Variants in ESRRB observed in about 807,000 individuals in gnomAD.
The protein encoded by ESRRB is estrogen related receptor beta.
A neutral mutation model predicts 46.0 loss-of-function variants in ESRRB; 16 were observed. That is an observed-to-expected ratio of 0.35 (90% CI 0.24 to 0.53). The LOEUF is 0.53. Ranked by LOEUF, ESRRB falls within the 20% of genes least tolerant of loss-of-function variation. The pLI, the probability that ESRRB is intolerant of heterozygous loss-of-function variation, is 0.93. For missense variants in ESRRB, 488 were observed against 607.4 expected (o/e 0.80, Z 2.07); for synonymous variants, 246 against 259.6 (o/e 0.95, Z 0.50).
chr14:76,380,704 C>G (rs946045619), intron 1 of ESRRB, among the ~76,000 whole-genome samples: 15 of 152,190 alleles, frequency 9.9e-5, no homozygotes, highest in Non-Finnish European at 1.8e-4. Flanking sequence ...CTGGGAGCTT[C>G]TGTCGTAGAG....
intron 1 of ESRRB, among the ~76,000 whole-genome samples, chr14:76,379,621 A>G (rs369871635): frequency 6.6e-6 from 1 of 152,186 alleles, no homozygotes; most frequent in Non-Finnish European, 1.5e-5. Context: ...GTGCGCTGCC[A>G]TGGAAGAGGA....
Position 76,499,536 on chromosome 14 carries a change from C to G in ESRRB, c.*1078C>G. On this transcript the variant is annotated 3_prime_UTR_variant, in exon 7 of 7. Coordinates refer to ENST00000644823, the MANE Select transcript of ESRRB (RefSeq NM_001379180.1). Reference sequence around the variant, plus strand: ...GGGTGGCCTGCCTCATCCTTCCTGGCTTCCCTTCCCTGCACTCAGCATCAT... The same window carrying G: ...GGGTGGCCTGCCTCATCCTTCCTGGGTTCCCTTCCCTGCACTCAGCATCAT... The G allele has an allele frequency of 2.3e-6, 1 of 431,686 alleles. No homozygotes were observed. The highest frequency in any genetic ancestry group is 2.2e-5 in the South Asian group (1 of 46,302). The allele number at this position is 431,686 out of a possible 1,614,324, so 26.7% of individuals were successfully genotyped here.
intron 1 of ESRRB, among the ~76,000 whole-genome samples, chr14:76,347,072 C>A (rs952495328): frequency 1.3e-5 from 2 of 152,164 alleles, no homozygotes; most frequent in African/African-American, 4.8e-5. Flanking sequence ...TTCTCTGACA[C>A]CTTTGTCCCT....
chr14:76,384,463 G>A (rs948487381), intron 1 of ESRRB, among the ~76,000 whole-genome samples: 9 of 152,120 alleles, frequency 5.9e-5, no homozygotes, highest in South Asian at 2.1e-4. Context: ...GCAGGTTTGC[G>A]TGTCTGAATT....
chr14:76,383,575 T>A (rs1023610043), intron 1 of ESRRB, among the ~76,000 whole-genome samples: 4 of 152,252 alleles, frequency 2.6e-5, no homozygotes, highest in Non-Finnish European at 5.9e-5. Flanking sequence ...GTCTTCATTT[T>A]TTCCCCTCTA....
intron 1 of ESRRB, among the ~76,000 whole-genome samples, chr14:76,393,140 G>T (rs1885533958): frequency 6.6e-6 from 1 of 152,374 alleles, no homozygotes; most frequent in South Asian, 2.1e-4. Context: ...ACTTGGGTTT[G>T]TGGGTTTATC....
intron 1 of ESRRB, among the ~76,000 whole-genome samples, chr14:76,385,941 A>C (rs1338397960): frequency 6.6e-6 from 1 of 152,210 alleles, no homozygotes; most frequent in Admixed American, 6.5e-5. Flanking sequence ...TTGAAGATTT[A>C]GTCAGAGGAC....
rs1884754704 is a variant in ESRRB at position 76,376,142 on chromosome 14, T to C, written c.-260T>C. On this transcript the variant is annotated 5_prime_UTR_variant, in exon 1 of 7. Coordinates refer to ENST00000644823, the MANE Select transcript of ESRRB (RefSeq NM_001379180.1). This position sits in a 1 kb window ranked among gnomAD's most constrained non-coding sequence, Gnocchi z 4.1. ...CAGTAGGGTTAGTGGGCTCCAAGTC[T>C]CTTGTGCCCCAGCCTCCTCCACGGC... 1 of 360,960 alleles carries C rather than the reference T, an allele frequency of 2.8e-6. No individual in the cohort carries two copies. Among genetic ancestry groups the C allele is most frequent in the African/African-American group, 2.1e-5 (1 of 47,552 alleles). The allele number at this position is 360,960 out of a possible 1,614,324, so 22.4% of individuals were successfully genotyped here. A position where few individuals can be genotyped will look rare whatever the true frequency, so the allele number is the denominator to read the frequency against.
chr14:76,477,577 G>A (rs1001827231), intron 3 of ESRRB, among the ~76,000 whole-genome samples: 1 of 152,130 alleles, frequency 6.6e-6, no homozygotes, highest in African/African-American at 2.4e-5. Flanking sequence ...GAAATAACCC[G>A]TAAGGGACAG....
At chr14:76,380,721 G>A (rs193113949) in intron 1 of ESRRB, among the ~76,000 whole-genome samples, 1 of 152,296 alleles carries the variant, frequency 6.6e-6, no homozygotes, top group East Asian at 1.9e-4. Flanking sequence ...AGAGTCTGGT[G>A]GCTCTTGACT....
In ESRRB at chr14:76,321,867, A is replaced by G. The variant is rs1186589596; in HGVS notation, c.2+10951A>G. On this transcript the variant is annotated intron_variant, in intron 1 of 6. Coordinates refer to the ESRRB transcript ENST00000512784. Reference sequence around the variant, plus strand: ...GTGCCACTGCAATCCGGCCTGGGCTAAAGAGCGGGACTCCGTCTCAAAAAA... The same window carrying G: ...GTGCCACTGCAATCCGGCCTGGGCTGAAGAGCGGGACTCCGTCTCAAAAAA... Among the ~76,000 whole-genome samples the G allele has an allele frequency of 2.0e-5, 3 of 149,076 alleles. No individual in the cohort carries two copies. In the East Asian group the frequency reaches 6.0e-4, roughly 30 times the overall value.
At chr14:76,331,181 G>C (rs1884009220) in intron 1 of ESRRB, among the ~76,000 whole-genome samples, 1 of 152,176 alleles carries the variant, frequency 6.6e-6, no homozygotes, top group South Asian at 2.1e-4. Flanking sequence ...GTGGACATTA[G>C]AAATGACTTC....
chr14:76,340,351 C>G (rs926843358), intron 1 of ESRRB, among the ~76,000 whole-genome samples: 1 of 152,218 alleles, frequency 6.6e-6, no homozygotes, highest in Non-Finnish European at 1.5e-5. Context: ...ACATTTCTTT[C>G]TTTTCTTCAC....
chr14:76,386,129 G>T (rs549828248), intron 1 of ESRRB, among the ~76,000 whole-genome samples: 14 of 152,112 alleles, frequency 9.2e-5, no homozygotes, highest in Admixed American at 2.6e-4. Flanking sequence ...TATGGCTCGC[G>T]TGTCAATATG....
chr14:76,339,555 A>C (rs1884166605), intron 1 of ESRRB, among the ~76,000 whole-genome samples: 1 of 152,176 alleles, frequency 6.6e-6, no homozygotes. Context: ...CGTGTACTGT[A>C]CCATGTCCAG....
At chr14:76,465,136 T>G (rs551984129) in intron 3 of ESRRB, among the ~76,000 whole-genome samples, 4 of 151,814 alleles carry the variant, frequency 2.6e-5, no homozygotes, top group Non-Finnish European at 5.9e-5. Flanking sequence ...GCCCTGAATT[T>G]TACAGGTGAC....
intron 3 of ESRRB, among the ~76,000 whole-genome samples, chr14:76,466,203 G>T (rs925472695): frequency 1.3e-5 from 2 of 152,182 alleles, no homozygotes; most frequent in African/African-American, 4.8e-5. Flanking sequence ...CCAGGGGCTT[G>T]GGGAGGGCTG....
At chr14:76,391,630 T>A (rs1885474141) in intron 1 of ESRRB, among the ~76,000 whole-genome samples, 1 of 152,248 alleles carries the variant, frequency 6.6e-6, no homozygotes, top group Non-Finnish European at 1.5e-5. Flanking sequence ...CACTTTACCC[T>A]GAGCTCCTCA....
At chr14:76,333,441 A>ATATATT (rs1491279444) in intron 1 of ESRRB, among the ~76,000 whole-genome samples, 7 of 100,466 alleles carry the variant, frequency 7.0e-5, no homozygotes, top group Admixed American at 1.2e-4. Flanking sequence ...TTTATATATG[A>ATATATT]TATATAAGTA....
Sources: gnomAD v4.1 joint callset for allele counts (sites outside exome capture counted in the v4.1 genomes callset) on GRCh38, gnomAD v4.1.1 for gene constraint, Gnocchi (gnomAD v3.1) non-coding constraint, MANE v1.5 for transcripts, NCBI Gene and HGNC (gene_info 2026-07-23, HGNC 2026-07-21) for gene names.